GRM7: variants seen among roughly 807,000 people sequenced by gnomAD.
GRM7 encodes metabotropic glutamate receptor 7.
Under a neutral mutation model 84.5 loss-of-function variants are expected in GRM7, and 35 were observed. The ratio of observed to expected loss-of-function variants is 0.41; its 90% CI spans 0.32 to 0.55. The LOEUF is 0.55. GRM7 is among the 20% of genes least tolerant of loss of function. The pLI, the probability that GRM7 is intolerant of heterozygous loss-of-function variation, is 0.19. For missense variants in GRM7, 1,003 were observed against 1,194.6 expected (o/e 0.84, Z 2.36); for synonymous variants, 487 against 455.1 (o/e 1.07, Z -0.89).
At chr3:6,929,630 A>G (rs62235406) in intron 1 of GRM7, among the ~76,000 whole-genome samples, 11,187 of 152,272 alleles carry the variant, frequency 0.073, 566 homozygotes, top group Non-Finnish European at 0.11. Flanking sequence ...ATAAAACTAG[A>G]GGACAGGTAT....
At chr3:7,285,969 A>G (rs1394896696) in intron 2 of GRM7, among the ~76,000 whole-genome samples, 1 of 152,184 alleles carries the variant, frequency 6.6e-6, no homozygotes, top group Non-Finnish European at 1.5e-5. Flanking sequence ...ATATGAATAT[A>G]GCAAATCACT....
intron 7 of GRM7, among the ~76,000 whole-genome samples, chr3:7,514,724 A>G (rs970142996): frequency 6.6e-6 from 1 of 152,208 alleles, no homozygotes; most frequent in Admixed American, 6.5e-5. Flanking sequence ...AATAATTAAC[A>G]TACATCAATG....
intron 1 of GRM7, among the ~76,000 whole-genome samples, chr3:6,967,455 A>G (rs933758651): frequency 6.6e-6 from 1 of 152,168 alleles, no homozygotes; most frequent in Admixed American, 6.5e-5. Flanking sequence ...TTGGTCTCCC[A>G]AAGTGTTGGG....
intron 7 of GRM7, chr3:7,559,421 C>A (rs1575492748): frequency 6.6e-6 from 1 of 152,142 alleles, no homozygotes; most frequent in South Asian, 2.1e-4. Context: ...TCTTTCAAAG[C>A]ATAATTTCCC....
chr3:6,940,898 G>C (rs1211935273), intron 1 of GRM7, among the ~76,000 whole-genome samples: 1 of 152,200 alleles, frequency 6.6e-6, no homozygotes, highest in Non-Finnish European at 1.5e-5. Context: ...CTTCTTCATA[G>C]TGAGCACTGG....
At chr3:7,328,621 G>A (rs1242748972) in intron 4 of GRM7, among the ~76,000 whole-genome samples, 1 of 152,164 alleles carries the variant, frequency 6.6e-6, no homozygotes, top group African/African-American at 2.4e-5. Context: ...TCTGGTAACT[G>A]TTGAGCCTCA....
At chr3:6,869,385 T>C (rs947715409) in intron 1 of GRM7, among the ~76,000 whole-genome samples, 3 of 152,210 alleles carry the variant, frequency 2.0e-5, no homozygotes, top group African/African-American at 7.2e-5. Flanking sequence ...GAGATTAGCA[T>C]GTTTAATACA....
chr3:7,022,365 A>C (rs1351365079), intron 1 of GRM7, among the ~76,000 whole-genome samples: 1 of 120,114 alleles, frequency 8.3e-6, no homozygotes, highest in Non-Finnish European at 1.7e-5. Context: ...ATACACACAC[A>C]TGCACACACA....
intron 1 of GRM7, among the ~76,000 whole-genome samples, chr3:6,927,463 G>GAGAGAAAGAA (rs1553595155): frequency 0.011 from 1,061 of 93,202 alleles, 8 homozygotes; most frequent in African/African-American, 0.015. Context: ...GAAAGAGAGA[G>GAGAGAAAGAA]AGAAAGAAAG....
intron 2 of GRM7, among the ~76,000 whole-genome samples, chr3:7,224,792 G>A (rs931571995): frequency 6.6e-6 from 1 of 152,132 alleles, no homozygotes; most frequent in African/African-American, 2.4e-5. Flanking sequence ...AATTGTGGAT[G>A]TGTCATGTGT....
intron 7 of GRM7, among the ~76,000 whole-genome samples, chr3:7,525,400 G>C (rs910576537): frequency 6.6e-6 from 1 of 152,038 alleles, no homozygotes; most frequent in African/African-American, 2.4e-5. Context: ...ATTTGTTTTT[G>C]GGGGGATGGG....
intron 1 of GRM7, among the ~76,000 whole-genome samples, chr3:6,921,520 A>G (rs1285680037): frequency 6.6e-6 from 1 of 151,928 alleles, no homozygotes; most frequent in Non-Finnish European, 1.5e-5. Context: ...GTGTGGATCC[A>G]TTTTATCCTA....
intron 8 of GRM7, among the ~76,000 whole-genome samples, chr3:7,598,387 C>T (rs925430441): frequency 2.6e-5 from 4 of 152,122 alleles, no homozygotes; most frequent in African/African-American, 4.8e-5. Flanking sequence ...CCACAGTGAA[C>T]GCTGACACCA....
intron 7 of GRM7, among the ~76,000 whole-genome samples, chr3:7,533,772 A>G (rs567350671): frequency 1.3e-5 from 2 of 152,320 alleles, no homozygotes; most frequent in African/African-American, 4.8e-5. Flanking sequence ...CCCACTGGTA[A>G]GAGATAATGC....
intron 2 of GRM7, among the ~76,000 whole-genome samples, chr3:7,187,863 G>C (rs141595688): frequency 1.1e-3 from 169 of 152,252 alleles, no homozygotes; most frequent in African/African-American, 3.8e-3. Context: ...GTTTTAGCTA[G>C]TCTTCAATGT....
chr3:7,517,707 G>A lies in GRM7; in HGVS notation c.1515+55985G>A, dbSNP rs116150697. On this transcript the variant is annotated intron_variant, in intron 7 of 9. Transcript: ENST00000357716. ...CATGCTTCCCTAGTTATTATTTTTT[G>A]ATACTAGCTGCTGATTGCCTTTTAG... is the stretch of plus-strand genomic sequence containing the variant. Among the ~76,000 whole-genome samples, 275 of 152,202 alleles carry A rather than the reference G, an allele frequency of 1.8e-3. 2 individuals are homozygous for A. The highest frequency in any genetic ancestry group is 6.2e-3 in the African/African-American group (257 of 41,548).
intron 1 of GRM7, among the ~76,000 whole-genome samples, chr3:6,980,320 A>T (rs1044146655): frequency 6.6e-6 from 1 of 152,144 alleles, no homozygotes. Flanking sequence ...AAAACTGTTG[A>T]TCTTCTCTCC....
chr3:7,077,410 C>A (rs192916149), intron 1 of GRM7, among the ~76,000 whole-genome samples: 10 of 152,204 alleles, frequency 6.6e-5, no homozygotes, highest in Admixed American at 6.5e-4. Flanking sequence ...AGGATGAGTT[C>A]ATGTGCTTTG....
intron 1 of GRM7, among the ~76,000 whole-genome samples, chr3:6,978,688 T>C (rs996654925): frequency 2.0e-5 from 3 of 152,120 alleles, no homozygotes; most frequent in Non-Finnish European, 4.4e-5. Flanking sequence ...ATCTACATTA[T>C]TTCTACTAAA....
Sources: allele counts gnomAD v4.1 joint callset (sites outside exome capture counted in the v4.1 genomes callset), GRCh38; gene constraint gnomAD v4.1.1; transcripts MANE v1.5; gene names NCBI Gene and HGNC (gene_info 2026-07-23, HGNC 2026-07-21).